PHF21A: variants seen among roughly 807,000 people sequenced by gnomAD.
PHF21A encodes PHD finger protein 21A.
A neutral mutation model predicts 82.5 loss-of-function variants in PHF21A; 11 were observed. The observed-to-expected ratio is 0.13, with a 90% confidence interval of 0.08 to 0.22. The LOEUF is 0.22. PHF21A is among the 10% of genes least tolerant of loss of function. PHF21A has a pLI of 1.00. For synonymous variants in PHF21A, 297 were observed against 302.8 expected (o/e 0.98, Z 0.20); for missense variants, 579 against 837.8 (o/e 0.69, Z 3.81).
At chr11:45,934,544 TG>T in intron 18 of PHF21A, 2 of 292,674 alleles carry the variant, frequency 6.8e-6, no homozygotes, top group East Asian at 6.8e-5. Context: ...AAACAAAGGT[TG>T]TTTAAAAAAA....
At position 46,117,908 on chromosome 11, in the gene PHF21A, T is replaced by G. The variant is rs191652816; in HGVS notation, c.-237+3027A>C. 1.9e-4 allele frequency: 29 copies of G among 152,322 alleles called. No individual in the cohort carries two copies. In the East Asian group the frequency reaches 4.4e-3, roughly 23 times the overall value. The allele number at this position is 152,322 out of a possible 1,614,324, so 9.4% of individuals were successfully genotyped here. A position where few individuals can be genotyped will look rare whatever the true frequency, so the allele number is the denominator to read the frequency against. On this transcript the variant is annotated intron_variant, in intron 1 of 18. Coordinates refer to ENST00000676320, the MANE Select transcript of PHF21A (RefSeq NM_001352027.3). ...CAAACATTATTTATGAATGGAATTT[T>G]TAAATGGACTTACTCAAAATCTTTC... is the stretch of plus-strand genomic sequence containing the variant.
At chr11:45,971,625 C>G (rs566844256) in intron 7 of PHF21A, among the ~76,000 whole-genome samples, 1 of 152,100 alleles carries the variant, frequency 6.6e-6, no homozygotes, top group Admixed American at 6.5e-5. Flanking sequence ...TAACTGCAGA[C>G]TAATTCAGGC....
At chr11:46,102,598 T>C (rs1195432084) in intron 1 of PHF21A, among the ~76,000 whole-genome samples, 1 of 152,244 alleles carries the variant, frequency 6.6e-6, no homozygotes. Context: ...AAATTAATGC[T>C]TATTTTAGTT....
chr11:45,971,390 A>C, intron 7 of PHF21A, 23 bp from the exon 8 acceptor site: 1 of 1,598,790 alleles, frequency 6.3e-7, no homozygotes, highest in Non-Finnish European at 8.6e-7. Context: ...GAAAACAGAT[A>C]TTAGGACACT....
chr11:46,055,144 T>G (rs1416884694), intron 6 of PHF21A, among the ~76,000 whole-genome samples: 1 of 152,168 alleles, frequency 6.6e-6, no homozygotes, highest in Non-Finnish European at 1.5e-5. Context: ...TAAGATACTT[T>G]GAAGCAATCT....
At chr11:45,960,769 C>T (rs995024319) in intron 10 of PHF21A, among the ~76,000 whole-genome samples, 4 of 152,170 alleles carry the variant, frequency 2.6e-5, no homozygotes, top group Non-Finnish European at 4.4e-5. Context: ...AAAGTTTGGT[C>T]TCTGAGATTA....
intron 15 of PHF21A, among the ~76,000 whole-genome samples, chr11:45,938,693 C>G (rs575803435): frequency 2.0e-5 from 3 of 152,106 alleles, no homozygotes; most frequent in Admixed American, 2.0e-4. Flanking sequence ...ACAATTATAA[C>G]GATATACTGT....
chr11:46,020,335 C>T (rs762368476), intron 6 of PHF21A, among the ~76,000 whole-genome samples: 1 of 152,132 alleles, frequency 6.6e-6, no homozygotes, highest in Admixed American at 6.5e-5. Context: ...CTGCTAGTAT[C>T]CTGCAGCAAA....
intron 15 of PHF21A, among the ~76,000 whole-genome samples, chr11:45,939,117 C>T (rs1251502532): frequency 6.6e-6 from 1 of 152,230 alleles, no homozygotes; most frequent in Non-Finnish European, 1.5e-5. Context: ...CAGGCGTGAG[C>T]CACTGCACCC....
intron 1 of PHF21A, among the ~76,000 whole-genome samples, chr11:46,099,885 C>G (rs1416803774): frequency 6.6e-6 from 1 of 152,066 alleles, no homozygotes; most frequent in African/African-American, 2.4e-5. Flanking sequence ...AAAAAAGAAC[C>G]CTGACTTTAG....
At chr11:45,958,425 TATATATATATA>T (rs2092838971) in intron 10 of PHF21A, among the ~76,000 whole-genome samples, 1 of 12,066 alleles carries the variant, frequency 8.3e-5, no homozygotes, top group Admixed American at 1.7e-3. Context: ...AAAAAATATA[TATATATATATA>T]TATATATATA....
intron 1 of PHF21A, among the ~76,000 whole-genome samples, chr11:46,115,056 C>T (rs1219299635): frequency 2.0e-5 from 3 of 152,164 alleles, no homozygotes; most frequent in Non-Finnish European, 4.4e-5. Context: ...GTAACTGATT[C>T]CAAAGTATAG....
intron 10 of PHF21A, among the ~76,000 whole-genome samples, chr11:45,961,558 A>G (rs1296639804): frequency 1.3e-5 from 2 of 152,220 alleles, no homozygotes; most frequent in Non-Finnish European, 1.5e-5. Context: ...GCAGATTCCT[A>G]TGAAAAATAT....
At chr11:46,082,193 T>C (rs2096800209) in intron 4 of PHF21A, among the ~76,000 whole-genome samples, 2 of 152,350 alleles carry the variant, frequency 1.3e-5, no homozygotes, top group Admixed American at 6.5e-5. Context: ...AAAATATGTT[T>C]TCACTCCACA....
chr11:46,049,613 C>T (rs2096315658), intron 6 of PHF21A: 4 of 400,650 alleles, frequency 1.0e-5, no homozygotes, highest in Admixed American at 5.6e-5. Context: ...TTGCTCTTCC[C>T]ACCTGTCACA....
At chr11:45,949,326 T>C in intron 13 of PHF21A, 76 bp downstream of exon 13, 3 of 1,215,924 alleles carry the variant, frequency 2.5e-6, no homozygotes, top group Non-Finnish European at 3.7e-6. Context: ...TCAGCAGGTT[T>C]TCAGAGGGGA....
At chr11:46,072,804 G>A (rs1454085559) in intron 6 of PHF21A, among the ~76,000 whole-genome samples, 1 of 152,092 alleles carries the variant, frequency 6.6e-6, no homozygotes, top group African/African-American at 2.4e-5. Context: ...TTCAGGCTGG[G>A]GAAACCGAAG....
chr11:46,017,889 T>C (rs1431992845), intron 6 of PHF21A, among the ~76,000 whole-genome samples: 1 of 152,182 alleles, frequency 6.6e-6, no homozygotes, highest in Non-Finnish European at 1.5e-5. Flanking sequence ...GTAATCTCAA[T>C]TGGAACACAA....
intron 6 of PHF21A, among the ~76,000 whole-genome samples, chr11:46,066,454 TA>T (rs2096595444): frequency 6.6e-6 from 1 of 152,204 alleles, no homozygotes; most frequent in Non-Finnish European, 1.5e-5. Flanking sequence ...TAATCCCAGT[TA>T]CCTGGAAGGC....
Sources: gnomAD v4.1 joint callset for allele counts (sites outside exome capture counted in the v4.1 genomes callset) on GRCh38, gnomAD v4.1.1 for gene constraint, MANE v1.5 for transcripts, NCBI Gene and HGNC (gene_info 2026-07-23, HGNC 2026-07-21) for gene names.